Variants in MGST1 observed in about 807,000 individuals in gnomAD.
MGST1 encodes the protein microsomal glutathione S-transferase 1.
In MGST1, 5 loss-of-function variants were observed where a neutral mutation model predicts 8.9. That is an observed-to-expected ratio of 0.56 (90% CI 0.29 to 1.19). The LOEUF (loss-of-function observed/expected upper bound fraction) is 1.19. MGST1 is among the 50% of genes most tolerant of loss of function. The probability of loss-of-function intolerance (pLI) is 0.08; values close to 1 mark genes in which losing one functional copy is unlikely to be tolerated. For missense variants in MGST1, 182 were observed against 187.4 expected, an observed-to-expected ratio of 0.97 and a Z score of 0.17; for synonymous variants, 54 against 67.8, an observed-to-expected ratio of 0.80 and a Z score of 1.00.
intron 1 of MGST1, among the ~76,000 whole-genome samples, chr12:16,390,010 G>T (rs539820432): frequency 4.6e-5 from 7 of 152,170 alleles, no homozygotes; most frequent in Non-Finnish European, 1.0e-4. Context: ...ACACACGAAG[G>T]CTCATTTTGA....
chr12:16,560,606 T>C lies in MGST1; in HGVS notation n.483-28922T>C. ...AGAAATCTGAGATCGTGAAGAGAGATGATGTTAATATACTCTGTAAAGCTA... is the reference window on the plus strand; with the variant it reads ...AGAAATCTGAGATCGTGAAGAGAGACGATGTTAATATACTCTGTAAAGCTA... On this transcript the variant is annotated intron_variant and non_coding_transcript_variant, in intron 4 of 4. Coordinates refer to the MGST1 transcript ENST00000538857. This position sits in a 1 kb window ranked among gnomAD's most constrained non-coding sequence, Gnocchi z 5.0. The C allele has an allele frequency of 7.1e-7, 1 of 1,414,112 alleles. No homozygotes were observed. Among genetic ancestry groups the C allele is most frequent in the Non-Finnish European group, 9.9e-7 (1 of 1,014,510 alleles). The allele number at this position is 1,414,112 out of a possible 1,614,324, so 87.6% of individuals were successfully genotyped here.
chr12:16,472,397 C>G (rs930329751), intron 4 of MGST1, among the ~76,000 whole-genome samples: 1 of 151,378 alleles, frequency 6.6e-6, no homozygotes, highest in Middle Eastern at 3.5e-3. Context: ...AAACGCCTGC[C>G]CACCTGGTTA....
At chr12:16,435,914 T>G (rs942599857) in intron 1 of MGST1, among the ~76,000 whole-genome samples, 1 of 151,852 alleles carries the variant, frequency 6.6e-6, no homozygotes, top group Admixed American at 6.6e-5. Flanking sequence ...CCTTGAGTCA[T>G]AAGAACTATA....
chr12:16,423,109 G>C (rs1180922877), intron 1 of MGST1, among the ~76,000 whole-genome samples: 2 of 152,168 alleles, frequency 1.3e-5, no homozygotes, highest in Non-Finnish European at 2.9e-5. Context: ...CAGTAACCTG[G>C]AGCAATCAGA....
intron 4 of MGST1, among the ~76,000 whole-genome samples, chr12:16,472,963 A>G (rs989205723): frequency 2.0e-5 from 3 of 152,212 alleles, no homozygotes; most frequent in Admixed American, 6.5e-5. Context: ...TAGCCTTTCC[A>G]TGAAGGCAAA....
intron 4 of MGST1, among the ~76,000 whole-genome samples, chr12:16,451,445 G>C (rs1941128521): frequency 6.6e-6 from 1 of 151,612 alleles, no homozygotes; most frequent in African/African-American, 2.4e-5. Flanking sequence ...AAAATAAAAG[G>C]AATTCTCAAA....
chr12:16,400,111 C>T (rs1233094692), intron 1 of MGST1: 15 of 1,560,926 alleles, frequency 9.6e-6, no homozygotes, highest in Non-Finnish European at 1.1e-5. Flanking sequence ...CAGTTTGTGC[C>T]TCATTTCTCG....
At chr12:16,514,900 C>T (rs1941602039) in intron 4 of MGST1, among the ~76,000 whole-genome samples, 4 of 152,228 alleles carry the variant, frequency 2.6e-5, no homozygotes, top group Admixed American at 2.6e-4. Context: ...AAACTCTACC[C>T]TATCCTTTTA....
intron 4 of MGST1, among the ~76,000 whole-genome samples, chr12:16,489,720 C>A (rs1240088027): frequency 6.6e-6 from 1 of 152,124 alleles, no homozygotes; most frequent in Non-Finnish European, 1.5e-5. Context: ...GGCAGAGACA[C>A]TTTTTCAAAC....
At chr12:16,408,716 A>C (rs562467930) in intron 1 of MGST1, among the ~76,000 whole-genome samples, 1 of 152,140 alleles carries the variant, frequency 6.6e-6, no homozygotes, top group Non-Finnish European at 1.5e-5. Flanking sequence ...GGATTTAAAA[A>C]TTCTCTCTTT....
chr12:16,376,756 G>A (rs755903134), exon 4 of MGST1: 2 of 151,854 alleles, frequency 1.3e-5, no homozygotes, highest in Non-Finnish European at 2.9e-5. Context: ...TATGATAATG[G>A]CATTGAGTAT....
intron 1 of MGST1, chr12:16,400,485 T>G (rs919515991): frequency 2.0e-5 from 16 of 801,772 alleles, no homozygotes; most frequent in Admixed American, 8.7e-5. Context: ...CCAGTGAGTC[T>G]TGTTTTACAA....
intron 4 of MGST1, among the ~76,000 whole-genome samples, chr12:16,480,268 G>A (rs2137143986): frequency 6.7e-6 from 1 of 150,274 alleles, no homozygotes; most frequent in South Asian, 2.1e-4. Context: ...TCAACCTCCT[G>A]AGTAGCTGGG....
intron 4 of MGST1, among the ~76,000 whole-genome samples, chr12:16,566,187 TA>T (rs1270461581): frequency 1.3e-5 from 2 of 150,174 alleles, no homozygotes; most frequent in Non-Finnish European, 3.0e-5. Flanking sequence ...GAAGCTAAAA[TA>T]AAAAGTCGAC....
intron 1 of MGST1, among the ~76,000 whole-genome samples, chr12:16,405,061 C>T (rs960736239): frequency 6.6e-6 from 1 of 152,114 alleles, no homozygotes; most frequent in Non-Finnish European, 1.5e-5. Context: ...ATTAATAGAA[C>T]ATCCACATCA....
intron 4 of MGST1, among the ~76,000 whole-genome samples, chr12:16,468,540 G>A (rs1941270040): frequency 6.6e-6 from 1 of 152,076 alleles, no homozygotes; most frequent in African/African-American, 2.4e-5. Flanking sequence ...AGTACATTAT[G>A]ATCAACATTT....
At chr12:16,394,973 A>C (rs1374831618) in intron 1 of MGST1, among the ~76,000 whole-genome samples, 1 of 152,036 alleles carries the variant, frequency 6.6e-6, no homozygotes, top group Non-Finnish European at 1.5e-5. Context: ...TATGTATAGC[A>C]AATATATTCT....
chr12:16,354,904 T>C (rs1285481280), intron 2 of MGST1, among the ~76,000 whole-genome samples: 1 of 152,100 alleles, frequency 6.6e-6, no homozygotes, highest in Non-Finnish European at 1.5e-5. Context: ...GTGGATACTA[T>C]TTCTACCCAG....
At chr12:16,444,387 C>T (rs1467015047) in intron 4 of MGST1, among the ~76,000 whole-genome samples, 2 of 151,788 alleles carry the variant, frequency 1.3e-5, no homozygotes, top group African/African-American at 4.8e-5. Context: ...AAGCCATTTG[C>T]CACTGCTCAT....
Sources: allele counts gnomAD v4.1 joint callset (sites outside exome capture counted in the v4.1 genomes callset), GRCh38; gene constraint gnomAD v4.1.1; non-coding constraint Gnocchi (gnomAD v3.1); transcripts MANE v1.5; gene names NCBI Gene and HGNC (gene_info 2026-07-23, HGNC 2026-07-21).